CIMAP1D: variants seen among roughly 807,000 people sequenced by gnomAD.
CIMAP1D encodes CIMAP1 family member D.
the CIMAP1D span, among the ~76,000 whole-genome samples, chr19:490,642 C>G: frequency 1.3e-5 from 2 of 152,226 alleles, no homozygotes; most frequent in Non-Finnish European, 2.9e-5. Context: ...ATAGCTGCGT[C>G]CGTTTCTAAG....
chr19:489,613 C>CG, the CIMAP1D span: 7 of 162,718 alleles, frequency 4.3e-5, no homozygotes, highest in African/African-American at 1.7e-4. Flanking sequence ...AACAGGCTCC[C>CG]GGGGGCCGTC....
the CIMAP1D span, among the ~76,000 whole-genome samples, chr19:478,787 C>T: frequency 4.6e-5 from 7 of 152,272 alleles, no homozygotes; most frequent in Admixed American, 2.0e-4. Context: ...AGGCGAGGGA[C>T]GTCACTGCCC....
the CIMAP1D span, chr19:472,511 A>G: frequency 6.5e-7 from 1 of 1,535,754 alleles, no homozygotes; most frequent in Non-Finnish European, 8.8e-7. Context: ...CCTGCAGCCC[A>G]AAGCCCTCAG....
chr19:470,373 ATT>A, the CIMAP1D span, among the ~76,000 whole-genome samples: 87 of 147,834 alleles, frequency 5.9e-4, no homozygotes, highest in Admixed American at 6.7e-4. Flanking sequence ...CGCCCGGCTA[ATT>A]TTTTTTTTTT....
chr19:467,775 G>T, the CIMAP1D span: 4 of 1,518,462 alleles, frequency 2.6e-6, no homozygotes, highest in Non-Finnish European at 3.6e-6. Flanking sequence ...GGGGAGAGGA[G>T]CCCAGAGTGC....
At chr19:474,441 C>T in the CIMAP1D span, among the ~76,000 whole-genome samples, 1 of 151,736 alleles carries the variant, frequency 6.6e-6, no homozygotes, top group Non-Finnish European at 1.5e-5. Flanking sequence ...ATACTCGGGG[C>T]TCACGGCAAC....
At chr19:475,458 G>A in the CIMAP1D span, among the ~76,000 whole-genome samples, 24 of 152,292 alleles carry the variant, frequency 1.6e-4, no homozygotes, top group Non-Finnish European at 2.6e-4. Flanking sequence ...GAGGGAAAAC[G>A]CAGACAGGTT....
the CIMAP1D span, chr19:489,123 CGGGAGCTGTG>C: frequency 2.6e-5 from 4 of 151,038 alleles, no homozygotes; most frequent in African/African-American, 9.9e-5. Context: ...CGGGAGCTGC[CGGGAGCTGTG>C]GGCGGGGTGG....
chr19:463,683 G>T, the CIMAP1D span: 4 of 1,028,164 alleles, frequency 3.9e-6, no homozygotes, highest in South Asian at 4.9e-5. Flanking sequence ...AGCCCCCAGG[G>T]ACTGGAAGGA....
chr19:467,517 T>G, the CIMAP1D span: 1 of 722,712 alleles, frequency 1.4e-6, no homozygotes, highest in East Asian at 2.5e-5. Flanking sequence ...CCGTGTCCCT[T>G]GGATTTGATC....
At chr19:484,144 T>C in the CIMAP1D span, among the ~76,000 whole-genome samples, 18,905 of 138,064 alleles carry the variant, frequency 0.14, 2,709 homozygotes, top group African/African-American at 0.39. Context: ...TTTTTCTTTT[T>C]TTTTTTTTTT....
the CIMAP1D span, among the ~76,000 whole-genome samples, chr19:480,054 TGGGAGGTC>T: frequency 6.6e-6 from 1 of 152,208 alleles, no homozygotes; most frequent in East Asian, 1.9e-4. Context: ...CGATGTGAAC[TGGGAGGTC>T]GGGAGCCTCG....
chr19:479,192 TCAC>T, the CIMAP1D span, among the ~76,000 whole-genome samples: 4 of 152,144 alleles, frequency 2.6e-5, no homozygotes, highest in South Asian at 8.3e-4. Context: ...CTGAGGGCCA[TCAC>T]CACCCAGGCA....
At chr19:474,072 G>A in the CIMAP1D span, among the ~76,000 whole-genome samples, 5 of 152,100 alleles carry the variant, frequency 3.3e-5, no homozygotes, top group South Asian at 2.1e-4. Flanking sequence ...CAGACGCCAT[G>A]TGTTGTGGCT....
At chr19:469,711 A>AAAGAAG in the CIMAP1D span, among the ~76,000 whole-genome samples, 1 of 151,894 alleles carries the variant, frequency 6.6e-6, no homozygotes, top group South Asian at 2.1e-4. Context: ...AGAAAAAGAA[A>AAAGAAG]AAGAAATCCC....
chr19:475,721 C>T, the CIMAP1D span, among the ~76,000 whole-genome samples: 1 of 151,946 alleles, frequency 6.6e-6, no homozygotes. Context: ...ATGAGATGCA[C>T]GTTCCTGTCT....
the CIMAP1D span, among the ~76,000 whole-genome samples, chr19:490,921 A>G: frequency 6.6e-6 from 1 of 152,248 alleles, no homozygotes; most frequent in Non-Finnish European, 1.5e-5. Flanking sequence ...CAATATGGTG[A>G]AACCCTGTCT....
chr19:471,884 A>G, the CIMAP1D span, among the ~76,000 whole-genome samples: 3 of 151,964 alleles, frequency 2.0e-5, no homozygotes, highest in Non-Finnish European at 4.4e-5. Flanking sequence ...CTGGGACTAC[A>G]GGCGCCCGCC....
At chr19:464,499 C>T in the CIMAP1D span, 1 of 676,966 alleles carries the variant, frequency 1.5e-6, no homozygotes, top group East Asian at 2.8e-5. Flanking sequence ...CTCTCCCTTC[C>T]CCATCCTCCA....
Sources: allele counts gnomAD v4.1 joint callset (sites outside exome capture counted in the v4.1 genomes callset), GRCh38; gene constraint gnomAD v4.1.1; transcripts MANE v1.5; gene names NCBI Gene and HGNC (gene_info 2026-07-23, HGNC 2026-07-21).